The following WDR90 variants were observed in gnomAD, a reference collection of about 807,000 sequenced individuals.
The protein encoded by WDR90 is WD repeat domain 90, also known as WD repeat-containing protein 90.
In WDR90, 238 loss-of-function variants were observed where a neutral mutation model predicts 195.2. The ratio of observed to expected loss-of-function variants is 1.22; its 90% CI spans 1.10 to 1.36. The LOEUF is 1.36. Among genes scored for constraint, WDR90 ranks in the 40% most tolerant of loss-of-function variants. The pLI is 0.00. For synonymous variants in WDR90, 1,265 were observed against 1,052.4 expected, an observed-to-expected ratio of 1.20 and a Z score of -3.91; for missense variants, 2,734 against 2,439.5, an observed-to-expected ratio of 1.12 and a Z score of -2.54.
chr16:656,046 G>C, intron 17 of WDR90, 157 bp downstream of exon 17: 1 of 964,672 alleles, frequency 1.0e-6, no homozygotes. Flanking sequence ...CCCTGGGGCG[G>C]CTGATGCCAG....
chr16:662,963 G>A (rs1425033567), intron 34 of WDR90, 119 bp downstream of exon 34: 48 of 1,444,208 alleles, frequency 3.3e-5, no homozygotes, highest in Middle Eastern at 1.7e-4. Context: ...GGCTCGCAGC[G>A]GCCGCCTTGG....
chr16:659,176 C>T (rs1418035822), intron 25 of WDR90, 50 bp downstream of exon 25: 2 of 1,609,858 alleles, frequency 1.2e-6, no homozygotes, highest in African/African-American at 1.3e-5. Context: ...GACTCTGGGG[C>T]CCGTCCTGTG....
At chr16:665,459 C>G (rs2038003652) in intron 34 of WDR90, 1 of 662,120 alleles carries the variant, frequency 1.5e-6, no homozygotes, top group Non-Finnish European at 2.6e-6. Context: ...CCGGGTTTGA[C>G]TGGCTAGTGG....
chr16:665,846 C>A, intron 35 of WDR90, 45 bp downstream of exon 35: 1 of 1,533,000 alleles, frequency 6.5e-7, no homozygotes, highest in South Asian at 1.2e-5. Flanking sequence ...GGGGCCTGCT[C>A]AGTGGGGGGC....
intron 12 of WDR90, 25 bp from the exon 13 acceptor site, chr16:653,721 A>C (rs9936879): frequency 0.43 from 697,000 of 1,613,016 alleles, 170,452 homozygotes; most frequent in East Asian, 0.98. Context: ...CCAGGCGACA[A>C]TGACCACCTC....
At chr16:660,580 C>T in intron 27 of WDR90, 32 bp from the exon 28 acceptor site, 4 of 1,547,352 alleles carry the variant, frequency 2.6e-6, no homozygotes, top group Non-Finnish European at 3.5e-6. Context: ...CCATGCTGGG[C>T]CCCAGCAGCA....
chr16:656,920 C>G (rs2037768461), intron 19 of WDR90, 49 bp downstream of exon 19: 1 of 1,590,514 alleles, frequency 6.3e-7, no homozygotes, highest in African/African-American at 1.3e-5. Flanking sequence ...ACGGTGGAAG[C>G]TGGGGTGGCC....
In WDR90 at chr16:659,566, C is replaced by G. The variant is rs570431524; in HGVS notation, c.3184+190C>G. Among the ~76,000 whole-genome samples, 22 of 152,254 alleles carry G rather than the reference C, an allele frequency of 1.4e-4. No individual in the cohort carries two copies. In the East Asian group the frequency reaches 3.9e-3, roughly 27 times the overall value. The stretch of plus-strand genomic sequence containing the variant: ...CTCCTTAGCCTCATCAGGTGGAACA[C>G]GGTGGGGTCGGGATGGGGGCAGCTT... On this transcript the variant is annotated intron_variant, in intron 26 of 40. Transcript: ENST00000293879.
Position 661,036 on chromosome 16 carries a change from C to CACCG in WDR90, c.3392-15_3392-14insACCG. On this transcript the variant is annotated splice_polypyrimidine_tract_variant and intron_variant, in intron 28 of 40. Transcript: ENST00000293879. ...CCCCCGGCCCGGCCTCAGGCCCCGC[C>CACCG]CTCTCTGCGCACAGGCTTCTTTGCC... 7.5e-7 allele frequency: 1 copy of CACCG among 1,333,438 alleles called. No individual in the cohort carries two copies. Among genetic ancestry groups the CACCG allele is most frequent in the Non-Finnish European group, 9.7e-7 (1 of 1,027,880 alleles). 82.6% of individuals were successfully genotyped at this position (1,333,438 alleles called of 1,614,324 possible).
At chr16:649,563 G>C in intron 1 of WDR90, 137 bp downstream of exon 1, 3 of 1,204,732 alleles carry the variant, frequency 2.5e-6, no homozygotes, top group Non-Finnish European at 3.2e-6. Context: ...CCCGTCTGCC[G>C]GGCGCCCACC....
Position 661,970 on chromosome 16 carries a change from A to T in WDR90, c.3944A>T (p.Tyr1315Phe). The T allele has an allele frequency of 6.2e-7, 1 of 1,606,500 alleles. No individual in the cohort carries two copies. Among genetic ancestry groups the T allele is most frequent in the South Asian group, 1.1e-5 (1 of 91,076 alleles). ...TGCTACGGGGCACCTCCCCTGCTCT[A>T]TTGTGGCACCAGCTCTGGCCAGGTC... ...SLCYGAPPLL[Y>F]CGTSSGQVCV... Residue 1315 changes from tyrosine (Y) to phenylalanine (F), a missense_variant, in exon 32 of 41, where the codon TAT becomes TTT. By Grantham distance (22) the Tyr-to-Phe change is conservative. Transcript: ENST00000293879.
In WDR90 at chr16:650,136, A is replaced by G; in HGVS notation, c.248A>G (p.His83Arg). Residue 83 changes from histidine (H) to arginine (R), a missense_variant, in exon 3 of 41, where the codon CAC (histidine) becomes CGC (arginine). Coordinates refer to ENST00000293879, the MANE Select transcript of WDR90 (RefSeq NM_145294.5). ...CTCTTTCGGCCCCTGCCCAGCAAGCACTTCGTCATCCACCTCGATGTGTCC... is the reference window on the plus strand; with the variant it reads ...CTCTTTCGGCCCCTGCCCAGCAAGCGCTTCGTCATCCACCTCGATGTGTCC... Reference protein sequence around the residue: ...YVLFRPLPSKHFVIHLDVSSK... With the variant: ...YVLFRPLPSKRFVIHLDVSSK... 6.2e-7 allele frequency: 1 copy of G among 1,613,010 alleles called. No homozygotes were observed. The highest frequency in any genetic ancestry group is 8.5e-7 in the Non-Finnish European group (1 of 1,179,932).
In WDR90 at chr16:662,123, C is replaced by T. The variant is rs2037929897; in HGVS notation, c.4033+64C>T. On this transcript the variant is annotated intron_variant, in intron 32 of 40. Transcript: ENST00000293879. The stretch of plus-strand genomic sequence containing the variant: ...CTACCTGGGATCCTCAGAGCTGGGG[C>T]AGAGGCCTCATCTGTAGCCCTGGCG... 2.6e-6 allele frequency: 4 copies of T among 1,561,468 alleles called. No individual in the cohort carries two copies. In the South Asian group the frequency reaches 4.6e-5, roughly 18 times the overall value.
chr16:660,995 T>TCCCCCCCCCCCC, intron 28 of WDR90, 56 bp from the exon 29 acceptor site: 1 of 10,290 alleles, frequency 9.7e-5, no homozygotes, highest in Non-Finnish European at 1.5e-4. Flanking sequence ...CCCAGGCCCC[T>TCCCCCCCCCCCC]CCCCGCCCCC....
In WDR90 at chr16:655,756, C is replaced by T. The variant is rs759669932; in HGVS notation, c.1850-17C>T. On this transcript the variant is annotated splice_polypyrimidine_tract_variant and intron_variant, in intron 16 of 40. Coordinates refer to ENST00000293879, the MANE Select transcript of WDR90 (RefSeq NM_145294.5). The stretch of plus-strand genomic sequence containing the variant: ...GGTGGCAGGGACACCGAGGCACTGA[C>T]GCCTCCCTGCCCCCAGGCCCCGGCA... The T allele has an allele frequency of 1.5e-5, 24 of 1,580,786 alleles. No individual in the cohort carries two copies. Among genetic ancestry groups the T allele is most frequent in the African/African-American group, 6.7e-5 (5 of 74,370 alleles).
At chr16:662,595 C>T in intron 33 of WDR90, 84 bp from the exon 34 acceptor site, 1 of 1,495,712 alleles carries the variant, frequency 6.7e-7, no homozygotes, top group South Asian at 1.3e-5. Flanking sequence ...TGCTGAGGGC[C>T]CTGCCTCGGC....
At chr16:667,390 G>GCCTGGT (rs749421471) in intron 40 of WDR90, 42 bp from the exon 41 acceptor site, 2 of 1,561,962 alleles carry the variant, frequency 1.3e-6, no homozygotes, top group Non-Finnish European at 1.7e-6. Context: ...TCTGAGTGCT[G>GCCTGGT]CCTGGTCCTG....
intron 33 of WDR90, 69 bp from the exon 34 acceptor site, chr16:662,610 G>A: frequency 6.6e-7 from 1 of 1,508,832 alleles, no homozygotes; most frequent in East Asian, 2.3e-5. Context: ...CTCGGCTGGG[G>A]ACCCAGCTGG....
At chr16:660,251 T>G in intron 27 of WDR90, 90 bp downstream of exon 27, 1 of 1,238,012 alleles carries the variant, frequency 8.1e-7, no homozygotes, top group East Asian at 2.6e-5. Context: ...GGGTTGCTTT[T>G]GGTCGCCAAA....
Sources: allele counts gnomAD v4.1 joint callset (sites outside exome capture counted in the v4.1 genomes callset), GRCh38; gene constraint gnomAD v4.1.1; transcripts MANE v1.5; gene names NCBI Gene and HGNC (gene_info 2026-07-23, HGNC 2026-07-21).